The following MPC1 variants were observed in gnomAD, a reference collection of about 807,000 sequenced individuals.
MPC1 encodes the protein mitochondrial pyruvate carrier 1, also known as HSPC040 protein.
MPC1 carries 6 observed loss-of-function variants against 13.9 expected under a neutral mutation model. The observed-to-expected ratio is 0.43, with a 90% CI of 0.24 to 0.85. MPC1 has a LOEUF of 0.85. MPC1 is among the 40% of genes least tolerant of loss of function. MPC1 has a pLI of 0.24. For synonymous variants in MPC1, 47 were observed against 50.5 expected, an observed-to-expected ratio of 0.93 and a Z score of 0.29; for missense variants, 115 against 143.3, an observed-to-expected ratio of 0.80 and a Z score of 1.01.
At chr6:166,376,180 A>G (rs552786826) in intron 1 of MPC1, among the ~76,000 whole-genome samples, 2,408 of 146,844 alleles carry the variant, frequency 0.016, 65 homozygotes, top group African/African-American at 0.055. Context: ...GTGTGTGTGT[A>G]TATATATATA....
chr6:166,374,217 T>A (rs1215640532), intron 1 of MPC1, among the ~76,000 whole-genome samples: 1 of 152,190 alleles, frequency 6.6e-6, no homozygotes, highest in Non-Finnish European at 1.5e-5. Flanking sequence ...GGTCTCAAAC[T>A]CTTGACCTCA....
At position 166,382,869 on chromosome 6, in the gene MPC1, C is replaced by G; in HGVS notation, c.8G>C (p.Gly3Ala). The change falls in exon 1 of 5, where the codon GGC (glycine) becomes GCC (alanine). Residue 3 changes from glycine (G) to alanine (A), a missense_variant. Gly to Ala is a moderately conservative substitution (Grantham distance 60, BLOSUM62 0). Around this residue, in one of 3 missense-constraint regions of MPC1, gnomAD observed 41 missense variants for 34.2 expected, o/e 1.20. Transcript: ENST00000360961. MA[G>A]ALVRKAADYV... ...GTCCGCCGCTTTCCGCACCAACGCG[C>G]CCGCCATGGCTGTGCCGACACCAGA... 1 of 1,599,142 alleles carries G rather than the reference C, an allele frequency of 6.3e-7. No homozygotes were observed. Among genetic ancestry groups the G allele is most frequent in the South Asian group, 1.1e-5 (1 of 88,886 alleles).
chr6:166,370,267 A>G (rs1425102365), intron 1 of MPC1, 46 bp from the exon 2 acceptor site: 1 of 720,684 alleles, frequency 1.4e-6, no homozygotes, highest in Non-Finnish European at 2.6e-6. Flanking sequence ...CAGACATGGA[A>G]AAAAAAGAAA....
At chr6:166,367,244 A>G (rs979948888) in intron 2 of MPC1, 2 of 1,006,748 alleles carry the variant, frequency 2.0e-6, no homozygotes, top group African/African-American at 1.7e-5. Context: ...CATTGTTGCT[A>G]TAATTCAAAC....
intron 1 of MPC1, among the ~76,000 whole-genome samples, chr6:166,375,953 C>T (rs920613802): frequency 3.3e-5 from 5 of 152,094 alleles, no homozygotes; most frequent in African/African-American, 1.2e-4. Context: ...TTCTACCTGC[C>T]GGGTCTATTT....
chr6:166,371,436 GCTCTT>G (rs1340554262), intron 1 of MPC1, among the ~76,000 whole-genome samples: 1 of 152,144 alleles, frequency 6.6e-6, no homozygotes, highest in Non-Finnish European at 1.5e-5. Context: ...ATATACCTGA[GCTCTT>G]CTCTTAGGGC....
At chr6:166,369,092 C>T in intron 2 of MPC1, 2 of 313,192 alleles carry the variant, frequency 6.4e-6, no homozygotes, top group Non-Finnish European at 9.3e-6. Flanking sequence ...AGATTCCTGG[C>T]TAAGTGATGT....
chr6:166,379,057 C>T (rs951982991), intron 1 of MPC1, among the ~76,000 whole-genome samples: 9 of 151,606 alleles, frequency 5.9e-5, no homozygotes, highest in Admixed American at 3.3e-4. Flanking sequence ...TTAAGTGTTC[C>T]GTTATCCCAG....
intron 2 of MPC1, among the ~76,000 whole-genome samples, chr6:166,368,557 GAAA>G (rs11370568): frequency 8.7e-6 from 1 of 114,288 alleles, no homozygotes. Flanking sequence ...CCGTCTCAGG[GAAA>G]AAAAAAAAAA....
intron 1 of MPC1, among the ~76,000 whole-genome samples, chr6:166,379,465 G>A (rs986051390): frequency 1.7e-4 from 26 of 151,356 alleles, no homozygotes; most frequent in African/African-American, 4.7e-4. Context: ...TTGCACTCCA[G>A]CCTGGGTGAC....
At chr6:166,366,425 T>C (rs1779158404) in intron 3 of MPC1, among the ~76,000 whole-genome samples, 1 of 152,202 alleles carries the variant, frequency 6.6e-6, no homozygotes, top group South Asian at 2.1e-4. Context: ...CTGAAAGAAT[T>C]GTTATTTATT....
chr6:166,381,853 A>C, intron 1 of MPC1: 2 of 979,312 alleles, frequency 2.0e-6, no homozygotes, highest in Non-Finnish European at 2.4e-6. Context: ...ACTTCCTCCC[A>C]AGCTTAAAGT....
In MPC1 at chr6:166,371,998, A is replaced by G. The variant is rs76907849; in HGVS notation, c.72-1777T>C. Among the ~76,000 whole-genome samples the G allele has an allele frequency of 7.9e-3, 1,198 of 152,300 alleles. 23 individuals are homozygous for G. Among genetic ancestry groups the G allele is most frequent in the African/African-American group, 0.028 (1,152 of 41,560 alleles). On this transcript the variant is annotated intron_variant, in intron 1 of 4. Transcript: ENST00000360961. ...CTACTATGTGCTTCAGATAGGTTAT[A>G]TTATGAAATATATATCATTCATATA...
chr6:166,368,978 AAC>A, intron 2 of MPC1: 1 of 978,050 alleles, frequency 1.0e-6, no homozygotes, highest in African/African-American at 1.7e-5. Flanking sequence ...GGGGCATATA[AAC>A]CACAGTTTCT....
chr6:166,381,741 G>A (rs1779791125), intron 1 of MPC1: 1 of 842,146 alleles, frequency 1.2e-6, no homozygotes. Context: ...CTGGAAAGGA[G>A]GAGTTAACAG....
chr6:166,365,435 A>G lies in MPC1; in HGVS notation c.324T>C (p.Ser108=), dbSNP rs773595678. 1.3e-6 allele frequency: 2 copies of G among 1,581,554 alleles called. No individual in the cohort carries two copies. The highest frequency in any genetic ancestry group is 2.3e-5 in the South Asian group (2 of 86,308). Residue 108 remains serine, a synonymous_variant, in exon 5 of 5, where the codon TCT becomes TCC. Coordinates refer to ENST00000360961, the MANE Select transcript of MPC1 (RefSeq NM_016098.4). This position sits in a 1 kb window ranked among gnomAD's most constrained non-coding sequence, Gnocchi z 4.2. ...LIKHEMTKTA[S]A is the part of the protein sequence containing the mutation. Reference sequence around the variant, plus strand: ...TGTTCTTCCTTTTCCATTGTTATGCAGATGCCGTTTTAGTCATCCTGGAAA... The same window carrying G: ...TGTTCTTCCTTTTCCATTGTTATGCGGATGCCGTTTTAGTCATCCTGGAAA...
intron 1 of MPC1, 120 bp downstream of exon 1, chr6:166,382,686 C>T: frequency 2.8e-6 from 3 of 1,058,294 alleles, no homozygotes; most frequent in Non-Finnish European, 3.9e-6. Context: ...GCCTGGGCCC[C>T]GGCCCACCCG....
At chr6:166,379,058 G>A (rs909858594) in intron 1 of MPC1, among the ~76,000 whole-genome samples, 1 of 152,134 alleles carries the variant, frequency 6.6e-6, no homozygotes, top group African/African-American at 2.4e-5. Flanking sequence ...TAAGTGTTCC[G>A]TTATCCCAGT....
At position 166,382,886 on chromosome 6, in the gene MPC1, G is replaced by A. The variant is rs764484310; in HGVS notation, c.-10C>T. The A allele has an allele frequency of 1.3e-6, 2 of 1,594,398 alleles. No individual in the cohort carries two copies. Among genetic ancestry groups the A allele is most frequent in the South Asian group, 1.1e-5 (1 of 88,360 alleles). On this transcript the variant is annotated 5_prime_UTR_variant, in exon 1 of 5. Transcript: ENST00000360961. ...CCAACGCGCCCGCCATGGCTGTGCC[G>A]ACACCAGACCCCGAGTGGTCCCTGC...
Sources: allele counts gnomAD v4.1 joint callset (sites outside exome capture counted in the v4.1 genomes callset), GRCh38; gene constraint gnomAD v4.1.1; regional missense constraint gnomAD v4.1.1; non-coding constraint Gnocchi (gnomAD v3.1); transcripts MANE v1.5; gene names NCBI Gene and HGNC (gene_info 2026-07-23, HGNC 2026-07-21).